XPA: variants seen among roughly 807,000 people sequenced by gnomAD.
XPA encodes XPA, DNA damage recognition and repair factor.
Under a neutral mutation model 35.7 loss-of-function variants are expected in XPA, and 27 were observed. The ratio of observed to expected loss-of-function variants is 0.76; its 90% CI spans 0.56 to 1.04. XPA has a LOEUF of 1.04. XPA is among the 50% of genes least tolerant of loss of function. XPA has a pLI of 0.00. For synonymous variants in XPA, 133 were observed against 118.4 expected (o/e 1.12, Z -0.80); for missense variants, 354 against 342.7 (o/e 1.03, Z -0.26).
At chr9:97,662,157 A>C in the XPA span, 1 of 1,593,952 alleles carries the variant, frequency 6.3e-7, no homozygotes, top group South Asian at 1.1e-5. Flanking sequence ...ATGTATGAGT[A>C]CAGAGCCTTG....
chr9:97,666,883 T>G, the XPA span: 1 of 1,568,498 alleles, frequency 6.4e-7, no homozygotes, highest in Non-Finnish European at 8.7e-7. Flanking sequence ...AACGGGTAAG[T>G]TTTGTGTAAA....
the XPA span, among the ~76,000 whole-genome samples, chr9:97,657,218 G>A: frequency 2.9e-4 from 44 of 152,038 alleles, no homozygotes; most frequent in African/African-American, 1.0e-3. Context: ...CGCCCGCCTC[G>A]GCCTCCCAAA....
downstream of XPA, chr9:97,672,530 G>T (rs1004031658): frequency 6.6e-6 from 1 of 152,108 alleles, no homozygotes; most frequent in Non-Finnish European, 1.5e-5. Context: ...TAAAACCCAG[G>T]TTCTTGGCTA....
At chr9:97,673,195 G>A (rs1828247549), downstream of XPA, 1 of 152,202 alleles carries the variant, frequency 6.6e-6, no homozygotes, top group Non-Finnish European at 1.5e-5. Context: ...TTATTGGTAA[G>A]TCAGCAGTGG....
chr9:97,661,641 G>T, the XPA span, among the ~76,000 whole-genome samples: 1 of 151,186 alleles, frequency 6.6e-6, no homozygotes, highest in Admixed American at 6.6e-5. Flanking sequence ...TTTGTATTAT[G>T]ATATTAGAGA....
At position 97,675,334 on chromosome 9, in the gene XPA, C is replaced by T. The variant is rs1314008365; in HGVS notation, c.*105G>A. 1.1e-5 allele frequency: 13 copies of T among 1,214,572 alleles called. No homozygotes were observed. The highest frequency in any genetic ancestry group is 1.4e-5 in the Non-Finnish European group (12 of 868,890). 75.2% of individuals were successfully genotyped at this position (1,214,572 alleles called of 1,614,324 possible). On this transcript the variant is annotated 3_prime_UTR_variant, in exon 6 of 6. Coordinates refer to ENST00000375128, the MANE Select transcript of XPA (RefSeq NM_000380.4). Reference sequence around the variant, plus strand: ...GTATTACTTATACAAGGGTTTCATTCATCTATGAAGATGTTGCTTTTTTTT... The same window carrying T: ...GTATTACTTATACAAGGGTTTCATTTATCTATGAAGATGTTGCTTTTTTTT...
the XPA span, among the ~76,000 whole-genome samples, chr9:97,665,565 A>G: frequency 1.3e-5 from 2 of 152,200 alleles, no homozygotes; most frequent in African/African-American, 4.8e-5. Context: ...TTCCCTGACT[A>G]TAGTCCACCC....
the XPA span, among the ~76,000 whole-genome samples, chr9:97,658,397 T>C: frequency 1.3e-5 from 2 of 152,194 alleles, no homozygotes; most frequent in African/African-American, 4.8e-5. Context: ...CCCCACATAC[T>C]TGGCCACCAG....
chr9:97,679,962 C>T (rs1828485564), intron 5 of XPA, among the ~76,000 whole-genome samples: 1 of 152,154 alleles, frequency 6.6e-6, no homozygotes. Context: ...TGGAGGGACA[C>T]ACTGAACAGC....
the XPA span, among the ~76,000 whole-genome samples, chr9:97,659,730 C>T: frequency 3.3e-5 from 5 of 152,194 alleles, no homozygotes; most frequent in South Asian, 2.1e-4. Context: ...GTACTGGTTC[C>T]GAGAATGATA....
chr9:97,680,121 TATTAA>T (rs1239777338), intron 5 of XPA, among the ~76,000 whole-genome samples: 7 of 152,172 alleles, frequency 4.6e-5, no homozygotes, highest in African/African-American at 1.7e-4. Context: ...AACTGGAGAA[TATTAA>T]ATTATACACA....
At chr9:97,671,457 A>G (rs1828191420), downstream of XPA, 1 of 363,330 alleles carries the variant, frequency 2.8e-6, no homozygotes, top group African/African-American at 2.1e-5. Context: ...TCAGTTTGTT[A>G]TTTTTTTTCT....
chr9:97,683,595 T>C (rs951518100), intron 5 of XPA, among the ~76,000 whole-genome samples: 1 of 152,172 alleles, frequency 6.6e-6, no homozygotes, highest in South Asian at 2.1e-4. Flanking sequence ...AAAAAAAAAT[T>C]TAAGGATCTT....
chr9:97,678,448 G>A (rs1406164854), intron 5 of XPA, among the ~76,000 whole-genome samples: 1 of 152,028 alleles, frequency 6.6e-6, no homozygotes, highest in African/African-American at 2.4e-5. Context: ...CATGTCAAAA[G>A]ATACAAAAGC....
intron 1 of XPA, among the ~76,000 whole-genome samples, chr9:97,696,376 T>C (rs1480762214): frequency 6.6e-6 from 1 of 152,212 alleles, no homozygotes; most frequent in African/African-American, 2.4e-5. Context: ...AAGAGAATAA[T>C]CTGCAATGAG....
the XPA span, chr9:97,656,153 A>G: frequency 8.0e-7 from 1 of 1,242,278 alleles, no homozygotes; most frequent in East Asian, 2.4e-5. Context: ...TGCACTTGTG[A>G]TGTGTGTTCA....
the XPA span, chr9:97,662,922 A>G: frequency 2.1e-6 from 3 of 1,462,892 alleles, no homozygotes; most frequent in Non-Finnish European, 2.9e-6. Context: ...GAATAAGTAT[A>G]TATGGTATTT....
At position 97,688,808 on chromosome 9, in the gene XPA, A is replaced by T. The variant is rs577345075; in HGVS notation, c.389+726T>A. Among the ~76,000 whole-genome samples, 4 of 150,974 alleles carry T rather than the reference A, an allele frequency of 2.6e-5. No individual in the cohort carries two copies. The East Asian group carries it at 7.7e-4, about 29-fold the overall frequency. On this transcript the variant is annotated intron_variant, in intron 3 of 5. Transcript: ENST00000375128. ...ATGGCTCCCAATGTCTGCAGCAGGGACTCTGAAAGGGCAGGTCCTTCAGGC... is the reference window on the plus strand; with the variant it reads ...ATGGCTCCCAATGTCTGCAGCAGGGTCTCTGAAAGGGCAGGTCCTTCAGGC...
rs1368436789 is a variant in XPA at position 97,675,691 on chromosome 9, T to G, written c.674-104A>C. 2.9e-6 allele frequency: 4 copies of G among 1,358,780 alleles called. No homozygotes were observed. In the African/African-American group the frequency reaches 5.8e-5, roughly 20 times the overall value. The allele number at this position is 1,358,780 out of a possible 1,614,324, so 84.2% of individuals were successfully genotyped here. A position where few individuals can be genotyped will look rare whatever the true frequency, so the allele number is the denominator to read the frequency against. ...AGCCATGTACATGTGTGTGTGTCTA[T>G]GTGTATTTAAACCATATATAGTTTA... On this transcript the variant is annotated intron_variant, in intron 5 of 5. Transcript: ENST00000375128.
Sources: gnomAD v4.1 joint callset for allele counts (sites outside exome capture counted in the v4.1 genomes callset) on GRCh38, gnomAD v4.1.1 for gene constraint, MANE v1.5 for transcripts, NCBI Gene and HGNC (gene_info 2026-07-23, HGNC 2026-07-21) for gene names.